The following LPP variants were observed in gnomAD, a reference collection of about 807,000 sequenced individuals.
LPP encodes lipoma-preferred partner.
Under a neutral mutation model 60.4 loss-of-function variants are expected in LPP, and 38 were observed. The observed-to-expected ratio is 0.63, with a 90% CI of 0.49 to 0.83. The LOEUF is 0.83. LPP is among the 40% of genes least tolerant of loss of function. The pLI is 0.00. For synonymous variants in LPP, 328 were observed against 290.8 expected, an observed-to-expected ratio of 1.13 and a Z score of -1.30; for missense variants, 902 against 783.6, an observed-to-expected ratio of 1.15 and a Z score of -1.80.
Position 188,729,684 on chromosome 3 carries a change from G to GC in LPP, c.1240+21291_1240+21292insC, listed in dbSNP as rs572453079. Among the ~76,000 whole-genome samples, 127 of 152,230 alleles carry GC rather than the reference G, an allele frequency of 8.3e-4. 1 individual carries two copies. The Middle Eastern group carries it at 0.02, about 24-fold the overall frequency. ...TTTTCACACATCAGCAATACTGTAA[G>GC]AACACTATGTGGCCAGGCACAGTGG... On this transcript the variant is annotated intron_variant, in intron 8 of 11. Coordinates refer to ENST00000617246, the MANE Select transcript of LPP (RefSeq NM_001375462.1).
intron 7 of LPP, among the ~76,000 whole-genome samples, chr3:188,642,540 C>T (rs1171819051): frequency 6.6e-6 from 1 of 152,194 alleles, no homozygotes; most frequent in Non-Finnish European, 1.5e-5. Context: ...AGTATTTTAG[C>T]TTTATCCCTG....
chr3:188,788,073 C>T (rs1742512150), intron 9 of LPP, among the ~76,000 whole-genome samples: 1 of 152,162 alleles, frequency 6.6e-6, no homozygotes, highest in Non-Finnish European at 1.5e-5. Context: ...GGCCTGTATC[C>T]TTCCTCTTCC....
Position 188,398,268 on chromosome 3 carries a change from A to G in LPP, c.-9-7844A>G, listed in dbSNP as rs550559240. Among the ~76,000 whole-genome samples, 23 of 152,320 alleles carry G rather than the reference A, an allele frequency of 1.5e-4. 1 individual carries two copies. The South Asian group carries it at 4.8e-3, about 32-fold the overall frequency. On this transcript the variant is annotated intron_variant, in intron 3 of 11. Coordinates refer to ENST00000617246, the MANE Select transcript of LPP (RefSeq NM_001375462.1). ...TAGAGGGAATGGTAGTGGATATCTAATCTTTAGTGTACAGATAGGAAGGGT... is the reference window on the plus strand; with the variant it reads ...TAGAGGGAATGGTAGTGGATATCTAGTCTTTAGTGTACAGATAGGAAGGGT...
At chr3:188,512,729 C>T (rs1816167412) in intron 5 of LPP, among the ~76,000 whole-genome samples, 1 of 151,766 alleles carries the variant, frequency 6.6e-6, no homozygotes, top group South Asian at 2.1e-4. Context: ...AGGGGTCAAA[C>T]AAGAGTTCAA....
intron 4 of LPP, among the ~76,000 whole-genome samples, chr3:188,411,063 T>C (rs764035443): frequency 2.0e-5 from 3 of 152,180 alleles, no homozygotes; most frequent in Non-Finnish European, 4.4e-5. Flanking sequence ...ATTATTTCAT[T>C]CCTTTTTATG....
rs1323822880 is a variant in LPP at position 188,708,247 on chromosome 3, GT to G, written c.1114-19del. On this transcript the variant is annotated intron_variant, in intron 7 of 11. Coordinates refer to ENST00000617246, the MANE Select transcript of LPP (RefSeq NM_001375462.1). Reference sequence around the variant, plus strand: ...TGGTCTAGGTGGCAATTAAAGGACTGTGTGCTTTCTGCCTTTCAGGGTGGCC... The same window carrying G: ...TGGTCTAGGTGGCAATTAAAGGACTGGTGCTTTCTGCCTTTCAGGGTGGCC... 1 of 1,613,472 alleles carries G rather than the reference GT, an allele frequency of 6.2e-7. No homozygotes were observed. The highest frequency in any genetic ancestry group is 1.3e-5 in the African/African-American group (1 of 74,906).
intron 4 of LPP, among the ~76,000 whole-genome samples, chr3:188,412,569 A>C (rs1478250219): frequency 6.6e-6 from 1 of 152,182 alleles, no homozygotes; most frequent in African/African-American, 2.4e-5. Context: ...CTAGTAAAAG[A>C]GTAGAGGGAG....
At chr3:188,701,294 G>A (rs1302966280) in intron 7 of LPP, among the ~76,000 whole-genome samples, 1 of 151,600 alleles carries the variant, frequency 6.6e-6, no homozygotes, top group Non-Finnish European at 1.5e-5. Context: ...TTCATATTAA[G>A]TATTTTCTTG....
At chr3:188,852,989 C>T (rs1280134860) in intron 9 of LPP, among the ~76,000 whole-genome samples, 1 of 151,214 alleles carries the variant, frequency 6.6e-6, no homozygotes, top group Non-Finnish European at 1.5e-5. Context: ...ACTAAAAATA[C>T]AGAAAAAAAA....
intron 8 of LPP, among the ~76,000 whole-genome samples, chr3:188,738,606 G>C (rs1179009354): frequency 6.6e-6 from 1 of 152,114 alleles, no homozygotes; most frequent in Non-Finnish European, 1.5e-5. Context: ...TTCAAACATA[G>C]TCGTTTGATA....
In LPP at chr3:188,352,558, C is replaced by T. The variant is rs1036763128; in HGVS notation, c.-10+10839C>T. Among the ~76,000 whole-genome samples the T allele has an allele frequency of 6.6e-6, 1 of 152,212 alleles. No individual in the cohort carries two copies. The highest frequency in any genetic ancestry group is 1.5e-5 in the Non-Finnish European group (1 of 68,040). ...ATTGAATGTTTAGGAGCAAGAAGGG[C>T]TTGTGAATATCCCGTACTCTCATTT... On this transcript the variant is annotated intron_variant, in intron 3 of 11. Coordinates refer to ENST00000617246, the MANE Select transcript of LPP (RefSeq NM_001375462.1). The surrounding 1 kb of genome is among the most constrained non-coding windows in gnomAD (Gnocchi z 4.4).
At chr3:188,831,708 A>G (rs1412986650) in intron 9 of LPP, among the ~76,000 whole-genome samples, 2 of 152,220 alleles carry the variant, frequency 1.3e-5, no homozygotes, top group Non-Finnish European at 2.9e-5. Flanking sequence ...TATTTTAGAC[A>G]TAACTTGTGC....
chr3:188,622,410 A>G, intron 7 of LPP, among the ~76,000 whole-genome samples: 1 of 152,340 alleles, frequency 6.6e-6, no homozygotes, highest in East Asian at 1.9e-4. Flanking sequence ...TTACAACGTA[A>G]TTCTGTCTAG....
chr3:188,636,106 G>A (rs549925567), intron 7 of LPP, among the ~76,000 whole-genome samples: 17 of 152,352 alleles, frequency 1.1e-4, no homozygotes, highest in Admixed American at 2.6e-4. Context: ...CCTGAGCGAC[G>A]CAGAAGGCGG....
chr3:188,646,099 T>C (rs1358489628), intron 7 of LPP, among the ~76,000 whole-genome samples: 1 of 152,240 alleles, frequency 6.6e-6, no homozygotes, highest in African/African-American at 2.4e-5. Flanking sequence ...AAATATTTTT[T>C]CTTTTTATCA....
intron 2 of LPP, among the ~76,000 whole-genome samples, chr3:188,238,811 A>G (rs1722805754): frequency 6.6e-6 from 1 of 152,250 alleles, no homozygotes. Context: ...ACACAGAGCC[A>G]TGAAATGAGC....
At chr3:188,305,224 T>C (rs1249283126) in intron 2 of LPP, among the ~76,000 whole-genome samples, 1 of 152,132 alleles carries the variant, frequency 6.6e-6, no homozygotes, top group East Asian at 1.9e-4. Context: ...ATATTTACTT[T>C]AAAAAAATTG....
Position 188,416,888 on chromosome 3 carries a change from A to T in LPP, c.193+10575A>T, listed in dbSNP as rs549358722. On this transcript the variant is annotated intron_variant, in intron 4 of 11. Transcript: ENST00000617246. ...ATTTTGGGTCACAGTAGGCCTATGTAAATTATCTAAAAATGGATTCATTAT... is the reference window on the plus strand; with the variant it reads ...ATTTTGGGTCACAGTAGGCCTATGTTAATTATCTAAAAATGGATTCATTAT... 1.6e-4 allele frequency among the ~76,000 whole-genome samples: 25 copies of T among 152,288 alleles called. No individual in the cohort carries two copies. In the East Asian group the frequency reaches 4.2e-3, roughly 26 times the overall value.
At position 188,495,079 on chromosome 3, in the gene LPP, TATA is replaced by T. The variant is rs1809608296; in HGVS notation, c.306+10376_306+10378del. ...GTTCAGGATTTTATATATATATATA[TATA>T]TTTTATTTATATTTTATTATATATT... On this transcript the variant is annotated intron_variant, in intron 5 of 11. Coordinates refer to ENST00000617246, the MANE Select transcript of LPP (RefSeq NM_001375462.1). Among the ~76,000 whole-genome samples the T allele has an allele frequency of 2.8e-5, 3 of 105,418 alleles. No homozygotes were observed. In the South Asian group the frequency reaches 8.2e-4, roughly 29 times the overall value. 69.2% of individuals were successfully genotyped at this position (105,418 alleles called of 152,430 possible). A position where few individuals can be genotyped will look rare whatever the true frequency, so the allele number is the denominator to read the frequency against.
Sources: allele counts gnomAD v4.1 joint callset (sites outside exome capture counted in the v4.1 genomes callset), GRCh38; gene constraint gnomAD v4.1.1; non-coding constraint Gnocchi (gnomAD v3.1); transcripts MANE v1.5; gene names NCBI Gene and HGNC (gene_info 2026-07-23, HGNC 2026-07-21).